The following KCNIP1 variants were observed in gnomAD, a reference collection of about 807,000 sequenced individuals.
KCNIP1 encodes the protein A-type potassium channel modulatory protein KCNIP1.
KCNIP1 carries 18 observed loss-of-function variants against 33.0 expected under a neutral mutation model. The observed-to-expected ratio is 0.55, with a 90% CI of 0.38 to 0.81. KCNIP1 has a LOEUF of 0.81. Among genes scored for constraint, KCNIP1 ranks in the 30% least tolerant of loss-of-function variants. The pLI is 0.00. For missense variants in KCNIP1, 238 were observed against 271.6 expected (o/e 0.88, Z 0.87); for synonymous variants, 93 against 98.3 (o/e 0.95, Z 0.32).
intron 1 of KCNIP1, chr5:170,389,490 G>A (rs1257584982): frequency 1.3e-5 from 2 of 152,242 alleles, no homozygotes; most frequent in Non-Finnish European, 2.9e-5. Flanking sequence ...ACCCAGCCCT[G>A]AGGAAGGCAG....
chr5:170,547,895 G>A (rs1756475974), intron 1 of KCNIP1, among the ~76,000 whole-genome samples: 1 of 152,122 alleles, frequency 6.6e-6, no homozygotes, highest in Admixed American at 6.5e-5. Context: ...CCAGTAGTGG[G>A]ATTTCTGGGT....
chr5:170,553,657 C>T (rs1756737462), intron 1 of KCNIP1, among the ~76,000 whole-genome samples: 2 of 152,336 alleles, frequency 1.3e-5, no homozygotes, highest in East Asian at 1.9e-4. Context: ...GACGGTAAGA[C>T]TCACCTCAGA....
At chr5:170,583,981 A>G (rs112691672) in intron 1 of KCNIP1, among the ~76,000 whole-genome samples, 1 of 152,202 alleles carries the variant, frequency 6.6e-6, no homozygotes, top group Admixed American at 6.5e-5. Flanking sequence ...CTCAGAATGG[A>G]CATTGGCCTC....
At chr5:170,614,857 C>G (rs1759305123) in intron 1 of KCNIP1, among the ~76,000 whole-genome samples, 2 of 152,238 alleles carry the variant, frequency 1.3e-5, no homozygotes, top group Non-Finnish European at 2.9e-5. Context: ...AGGCCTGTTT[C>G]TCTGTTGTTT....
At chr5:170,463,056 C>T (rs1581215270) in intron 1 of KCNIP1, among the ~76,000 whole-genome samples, 1 of 152,056 alleles carries the variant, frequency 6.6e-6, no homozygotes, top group East Asian at 1.9e-4. Context: ...CAAAATCTCA[C>T]AAATCACCAC....
intron 1 of KCNIP1, among the ~76,000 whole-genome samples, chr5:170,414,690 G>A (rs1350854180): frequency 2.0e-5 from 3 of 152,196 alleles, no homozygotes; most frequent in African/African-American, 7.2e-5. Flanking sequence ...GCTAGATGTT[G>A]ACTATTGAAT....
At chr5:170,495,264 T>C (rs1757288676) in intron 1 of KCNIP1, among the ~76,000 whole-genome samples, 1 of 152,178 alleles carries the variant, frequency 6.6e-6, no homozygotes, top group African/African-American at 2.4e-5. Context: ...GTGCATTCTG[T>C]GGTCACTGTG....
chr5:170,457,375 G>A (rs192115370), intron 1 of KCNIP1, among the ~76,000 whole-genome samples: 47 of 152,306 alleles, frequency 3.1e-4, no homozygotes, highest in South Asian at 2.9e-3. Context: ...GGGGCATAAC[G>A]ACTGCAGGAA....
intron 1 of KCNIP1, among the ~76,000 whole-genome samples, chr5:170,532,786 C>T (rs535221397): frequency 1.3e-5 from 2 of 152,292 alleles, no homozygotes; most frequent in East Asian, 3.9e-4. Flanking sequence ...CACAGTCCCT[C>T]ACAGTCCCTT....
At chr5:170,667,457 C>T (rs1761750696) in intron 1 of KCNIP1, among the ~76,000 whole-genome samples, 1 of 152,244 alleles carries the variant, frequency 6.6e-6, no homozygotes, top group Non-Finnish European at 1.5e-5. Context: ...AGCAAACTGC[C>T]TTCTCCATGG....
intron 1 of KCNIP1, among the ~76,000 whole-genome samples, chr5:170,614,938 G>A (rs1001038798): frequency 3.9e-5 from 6 of 152,318 alleles, no homozygotes; most frequent in African/African-American, 9.6e-5. Flanking sequence ...AACATGGGCC[G>A]GGTGCAGTGA....
chr5:170,656,657 G>T (rs1340891956), intron 1 of KCNIP1, among the ~76,000 whole-genome samples: 1 of 152,224 alleles, frequency 6.6e-6, no homozygotes, highest in Non-Finnish European at 1.5e-5. Flanking sequence ...GCTTCCAGGG[G>T]CAGAGAGCAG....
chr5:170,359,594 G>A (rs965544408), intron 1 of KCNIP1, among the ~76,000 whole-genome samples: 1 of 152,204 alleles, frequency 6.6e-6, no homozygotes, highest in African/African-American at 2.4e-5. Flanking sequence ...CTGAGTGCCA[G>A]TGCTTTGTCA....
intron 1 of KCNIP1, among the ~76,000 whole-genome samples, chr5:170,484,942 C>CTTTTTTTT (rs397999898): frequency 5.4e-5 from 7 of 129,458 alleles, no homozygotes; most frequent in Non-Finnish European, 7.9e-5. Context: ...TTTCTTTTTT[C>CTTTTTTTT]TTTTTTTTTT....
At chr5:170,656,996 C>T (rs72834420) in intron 1 of KCNIP1, among the ~76,000 whole-genome samples, 22,319 of 109,658 alleles carry the variant, frequency 0.2, 3,696 homozygotes, top group African/African-American at 0.46. Flanking sequence ...TTCTTTCTTT[C>T]TTTTTTTTTT....
chr5:170,594,091 C>A (rs75736802), intron 1 of KCNIP1, among the ~76,000 whole-genome samples: 5,722 of 152,298 alleles, frequency 0.038, 144 homozygotes, highest in Non-Finnish European at 0.051. Context: ...GGACTCAAGT[C>A]TTCCAAAGGA....
intron 1 of KCNIP1, among the ~76,000 whole-genome samples, chr5:170,659,510 G>A (rs956964321): frequency 1.3e-5 from 2 of 152,198 alleles, no homozygotes; most frequent in African/African-American, 4.8e-5. Flanking sequence ...AATTCCTACT[G>A]CATGGAGAGA....
chr5:170,659,035 T>C (rs533064533), intron 1 of KCNIP1, among the ~76,000 whole-genome samples: 2 of 152,136 alleles, frequency 1.3e-5, no homozygotes, highest in East Asian at 1.9e-4. Context: ...ATCAAAAGCA[T>C]TGAGACACGT....
intron 1 of KCNIP1, among the ~76,000 whole-genome samples, chr5:170,684,817 G>A (rs916518768): frequency 1.3e-5 from 2 of 151,976 alleles, no homozygotes; most frequent in South Asian, 2.1e-4. Context: ...TTCATATTTG[G>A]TTGGCTATTT....
Sources: allele counts gnomAD v4.1 joint callset (sites outside exome capture counted in the v4.1 genomes callset), GRCh38; gene constraint gnomAD v4.1.1; transcripts MANE v1.5; gene names NCBI Gene and HGNC (gene_info 2026-07-23, HGNC 2026-07-21).